Variants in SLC25A32 observed in about 807,000 individuals in gnomAD.
SLC25A32 encodes solute carrier family 25 member 32.
Under a neutral mutation model 39.0 loss-of-function variants are expected in SLC25A32, and 32 were observed. The observed-to-expected ratio is 0.82, with a 90% CI of 0.62 to 1.10. SLC25A32 has a LOEUF of 1.10. Among genes scored for constraint, SLC25A32 ranks in the 50% least tolerant of loss-of-function variants. The pLI, the probability that SLC25A32 is intolerant of heterozygous loss-of-function variation, is 0.00. For missense variants in SLC25A32, 367 were observed against 395.3 expected, an observed-to-expected ratio of 0.93 and a Z score of 0.61; for synonymous variants, 166 against 152.4, an observed-to-expected ratio of 1.09 and a Z score of -0.66.
chr8:103,412,606 G>C (rs750015720), intron 1 of SLC25A32, among the ~76,000 whole-genome samples: 1 of 152,164 alleles, frequency 6.6e-6, no homozygotes, highest in Non-Finnish European at 1.5e-5. Flanking sequence ...CTCAACCTGT[G>C]TCTGACCTTA....
intron 1 of SLC25A32, among the ~76,000 whole-genome samples, chr8:103,410,439 T>C (rs534571607): frequency 1.8e-4 from 27 of 152,292 alleles, no homozygotes; most frequent in African/African-American, 5.8e-4. Context: ...CATTGGGTTC[T>C]TACAGAATCT....
At position 103,398,793 on chromosome 8, in the gene SLC25A32, C is replaced by G. The variant is rs947282425; in HGVS notation, c.*1618G>C. On this transcript the variant is annotated 3_prime_UTR_variant, in exon 7 of 7. Coordinates refer to ENST00000297578, the MANE Select transcript of SLC25A32 (RefSeq NM_030780.5). ...GATTTCATATGAATTATAGTATAAT[C>G]CAGAAGTATGAAAAAATACATCATA... The G allele has an allele frequency of 2.6e-5, 4 of 152,044 alleles. No individual in the cohort carries two copies. The highest frequency in any genetic ancestry group is 7.3e-5 in the African/African-American group (3 of 41,378). The allele number at this position is 152,044 out of a possible 1,614,324, so 9.4% of individuals were successfully genotyped here.
At chr8:103,406,117 A>G (rs939066047) in intron 2 of SLC25A32, among the ~76,000 whole-genome samples, 4 of 151,614 alleles carry the variant, frequency 2.6e-5, no homozygotes, top group Non-Finnish European at 4.4e-5. Flanking sequence ...CTATATATAC[A>G]TATATACATA....
In SLC25A32 at chr8:103,402,116, T is replaced by A. The variant is rs911334756; in HGVS notation, c.553-62A>T. ...ACGTTTGAAGAACAATATATTTAAG[T>A]AAAATACTTTCTCTTCTCTCTCATT... On this transcript the variant is annotated intron_variant, in intron 4 of 6. Coordinates refer to ENST00000297578, the MANE Select transcript of SLC25A32 (RefSeq NM_030780.5). 3.8e-6 allele frequency: 4 copies of A among 1,063,338 alleles called. No individual in the cohort carries two copies. In the East Asian group the frequency reaches 1.1e-4, roughly 29 times the overall value. The allele number at this position is 1,063,338 out of a possible 1,614,324, so 65.9% of individuals were successfully genotyped here.
rs775110224 is a variant in SLC25A32 at position 103,398,994 on chromosome 8, AATAG to A, written c.*1413_*1416del. The A allele has an allele frequency of 5.9e-5, 9 of 152,230 alleles. No individual in the cohort carries two copies. The highest frequency in any genetic ancestry group is 1.0e-4 in the Non-Finnish European group (7 of 68,026). 9.4% of individuals were successfully genotyped at this position (152,230 alleles called of 1,614,324 possible). A position where few individuals can be genotyped will look rare whatever the true frequency, so the allele number is the denominator to read the frequency against. Reference sequence around the variant, plus strand: ...GAAAACAACACTTTTATTTACAACAAATAGATGGTAGTGCAACAGCACTCGTGGA... The same window carrying A: ...GAAAACAACACTTTTATTTACAACAAATGGTAGTGCAACAGCACTCGTGGA... On this transcript the variant is annotated 3_prime_UTR_variant, in exon 7 of 7. Transcript: ENST00000297578.
At chr8:103,403,027 TCA>T in intron 4 of SLC25A32, 135 bp downstream of exon 4, 1 of 540,368 alleles carries the variant, frequency 1.9e-6, no homozygotes, top group Non-Finnish European at 3.2e-6. Context: ...TAACTATATT[TCA>T]GTTTTCATTA....
chr8:103,401,862 A>G, intron 5 of SLC25A32, 79 bp downstream of exon 5: 1 of 1,207,846 alleles, frequency 8.3e-7, no homozygotes, highest in Non-Finnish European at 1.2e-6. Flanking sequence ...CACTACCACC[A>G]AAGTAAGCAT....
intron 3 of SLC25A32, among the ~76,000 whole-genome samples, chr8:103,403,572 A>G (rs919415713): frequency 6.6e-6 from 1 of 152,194 alleles, no homozygotes; most frequent in Non-Finnish European, 1.5e-5. Context: ...GGGAGATGGA[A>G]ATGTGAAATG....
rs1320862949 is a variant in SLC25A32 at position 103,414,776 on chromosome 8, G to A, written c.154+8C>T. On this transcript the variant is annotated splice_region_variant and intron_variant, in intron 1 of 6. Transcript: ENST00000297578. ...AGGATGCAGCCCGGTGTCTGGGCGG[G>A]CTCTTACCGGCGAAGCGGATCTTCA... 3 of 1,613,612 alleles carry A rather than the reference G, an allele frequency of 1.9e-6. No homozygotes were observed. The highest frequency in any genetic ancestry group is 2.5e-6 in the Non-Finnish European group (3 of 1,179,992).
rs973996007 is a variant in SLC25A32, at chr8:103,404,778, G to C, written c.389C>G (p.Ala130Gly). ...ATEYLVSAAE[A>G]GAMTLCITNP... ...TTATATTTCACACATTGCCTTACCA[G>C]CTTCAGCAGCTGAGACAAGGTATTC... The change falls in exon 3 of 7, where the codon GCT becomes GGT. Residue 130 changes from alanine (A) to glycine (G), a missense_variant and splice_region_variant. By Grantham distance (60) the Ala-to-Gly change is moderately conservative. Transcript: ENST00000297578. 1 of 1,609,328 alleles carries C rather than the reference G, an allele frequency of 6.2e-7. No individual in the cohort carries two copies.
intron 1 of SLC25A32, among the ~76,000 whole-genome samples, chr8:103,411,615 C>T (rs1318486364): frequency 6.6e-6 from 1 of 152,164 alleles, no homozygotes; most frequent in African/African-American, 2.4e-5. Flanking sequence ...CTTGAATGTC[C>T]TCTTGCTTCT....
chr8:103,413,564 T>G (rs1310714173), intron 1 of SLC25A32, among the ~76,000 whole-genome samples: 3 of 152,234 alleles, frequency 2.0e-5, no homozygotes, highest in African/African-American at 7.2e-5. Context: ...ATAAATGAGA[T>G]AATGCATCTA....
Position 103,414,922 on chromosome 8 carries a change from G to C in SLC25A32, c.16C>G (p.Gln6Glu), listed in dbSNP as rs1164361433. 6.2e-7 allele frequency: 1 copy of C among 1,607,280 alleles called. No individual in the cohort carries two copies. Among genetic ancestry groups the C allele is most frequent in the Admixed American group, 1.7e-5 (1 of 59,050 alleles). The part of the protein sequence containing the change: MTGQG[Q>E]SASGSSAWST... ...CACGCCGACGACCCGGACGCCGACT[G>C]GCCCTGGCCCGTCATAGGCTCGGGG... The change falls in exon 1 of 7, where the codon CAG becomes GAG. Residue 6 changes from glutamine to glutamate, a missense_variant. Gln to Glu is a conservative substitution (Grantham distance 29). Transcript: ENST00000297578.
At chr8:103,409,224 CA>C (rs2130450724) in intron 1 of SLC25A32, among the ~76,000 whole-genome samples, 1 of 91,990 alleles carries the variant, frequency 1.1e-5, no homozygotes, top group South Asian at 2.8e-4. Context: ...TTATGCATAC[CA>C]TTCTACATTA....
chr8:103,405,229 T>G (rs1816304244), intron 2 of SLC25A32, among the ~76,000 whole-genome samples: 1 of 152,118 alleles, frequency 6.6e-6, no homozygotes, highest in Admixed American at 6.5e-5. Flanking sequence ...AGCACCTACG[T>G]TCAGGTACTA....
chr8:103,401,370 T>C lies in SLC25A32; in HGVS notation c.812+146A>G, dbSNP rs144960623. 1.2e-4 allele frequency: 72 copies of C among 621,682 alleles called. No homozygotes were observed. The East Asian group carries it at 2.0e-3, about 18-fold the overall frequency. The allele number at this position is 621,682 out of a possible 1,614,324, so 38.5% of individuals were successfully genotyped here. ...CAGAGAGATTAAGGCCATGGTCACA[T>C]ACGTAATAACTGGGAAAGCAGGGAC... On this transcript the variant is annotated intron_variant, in intron 6 of 6. Transcript: ENST00000297578.
In SLC25A32 at chr8:103,409,829, G is replaced by A. The variant is rs1816422503; in HGVS notation, c.155-2045C>T. Among the ~76,000 whole-genome samples, 4 of 152,204 alleles carry A rather than the reference G, an allele frequency of 2.6e-5. No individual in the cohort carries two copies. In the South Asian group the frequency reaches 6.2e-4, roughly 24 times the overall value. ...TTGTCAGAAGACCTGGGTTTGATAC[G>A]TAACCTCCCTAATTCGCTACATGGT... is the stretch of plus-strand genomic sequence containing the variant. On this transcript the variant is annotated intron_variant, in intron 1 of 6. Coordinates refer to ENST00000297578, the MANE Select transcript of SLC25A32 (RefSeq NM_030780.5).
At chr8:103,410,684 T>C (rs1816446458) in intron 1 of SLC25A32, among the ~76,000 whole-genome samples, 1 of 152,124 alleles carries the variant, frequency 6.6e-6, no homozygotes, top group Admixed American at 6.5e-5. Flanking sequence ...CACTAATGAA[T>C]TAGTATGTAG....
At chr8:103,408,753 T>G (rs1045482676) in intron 1 of SLC25A32, among the ~76,000 whole-genome samples, 6 of 152,216 alleles carry the variant, frequency 3.9e-5, no homozygotes, top group Admixed American at 3.9e-4. Context: ...ATCATCTGCA[T>G]TGATGCCCAC....
Sources: allele counts gnomAD v4.1 joint callset (sites outside exome capture counted in the v4.1 genomes callset), GRCh38; gene constraint gnomAD v4.1.1; transcripts MANE v1.5; gene names NCBI Gene and HGNC (gene_info 2026-07-23, HGNC 2026-07-21).